Variants in EPHA3 observed in about 807,000 individuals in gnomAD.
The protein encoded by EPHA3 is EPH receptor A3, also known as ephrin type-A receptor 3.
EPHA3 carries 42 observed loss-of-function variants against 107.1 expected under a neutral mutation model. The ratio of observed to expected loss-of-function variants is 0.39; its 90% CI spans 0.31 to 0.51. EPHA3 has a LOEUF of 0.51. Ranked by LOEUF, EPHA3 falls within the 20% of genes least tolerant of loss-of-function variation. The pLI is 0.78. For synonymous variants in EPHA3, 461 were observed against 424.8 expected, an observed-to-expected ratio of 1.09 and a Z score of -1.05; for missense variants, 1,183 against 1,211.2, an observed-to-expected ratio of 0.98 and a Z score of 0.35.
chr3:89,336,040 G>C (rs950289368), intron 3 of EPHA3, among the ~76,000 whole-genome samples: 8 of 152,086 alleles, frequency 5.3e-5, no homozygotes, highest in Admixed American at 2.0e-4. Context: ...TTTGTCTCTG[G>C]ATAAATCTTT....
intron 2 of EPHA3, 100 bp from the exon 3 acceptor site, chr3:89,209,760 A>C (rs1706222751): frequency 2.0e-6 from 2 of 991,522 alleles, no homozygotes; most frequent in Non-Finnish European, 2.9e-6. Flanking sequence ...TTAATGAGTA[A>C]ATGATGATTT....
intron 5 of EPHA3, among the ~76,000 whole-genome samples, chr3:89,367,374 C>G (rs549818007): frequency 1.3e-5 from 2 of 150,620 alleles, no homozygotes; most frequent in South Asian, 4.2e-4. Flanking sequence ...GTGAGCTGGC[C>G]TCCCGTGTAC....
At chr3:89,133,192 A>G (rs1576172458) in intron 2 of EPHA3, among the ~76,000 whole-genome samples, 1 of 152,282 alleles carries the variant, frequency 6.6e-6, no homozygotes, top group Admixed American at 6.5e-5. Flanking sequence ...TAGGAGAAGG[A>G]AAGTTGACAG....
chr3:89,281,064 C>T (rs1705936064), intron 3 of EPHA3, among the ~76,000 whole-genome samples: 1 of 151,448 alleles, frequency 6.6e-6, no homozygotes, highest in African/African-American at 2.4e-5. Context: ...CACTCTGTCA[C>T]CCAGGCTGGA....
At chr3:89,313,140 TAG>T (rs1706806525) in intron 3 of EPHA3, among the ~76,000 whole-genome samples, 1 of 152,000 alleles carries the variant, frequency 6.6e-6, no homozygotes, top group South Asian at 2.1e-4. Context: ...TGTGCAATAA[TAG>T]AGTTATGCCA....
At chr3:89,406,830 T>A (rs1440166307) in intron 7 of EPHA3, among the ~76,000 whole-genome samples, 2 of 152,134 alleles carry the variant, frequency 1.3e-5, no homozygotes, top group Non-Finnish European at 2.9e-5. Flanking sequence ...ATATCACTTT[T>A]CAAATGAATA....
At chr3:89,427,029 G>C (rs555444433) in intron 11 of EPHA3, among the ~76,000 whole-genome samples, 1 of 151,702 alleles carries the variant, frequency 6.6e-6, no homozygotes, top group African/African-American at 2.4e-5. Flanking sequence ...TCAAAGTTTA[G>C]TTGGAATTTT....
intron 1 of EPHA3, among the ~76,000 whole-genome samples, chr3:89,111,673 C>T (rs181291088): frequency 8.9e-4 from 135 of 152,120 alleles, no homozygotes; most frequent in Middle Eastern, 3.4e-3. Context: ...TGAATTGCTA[C>T]GATAATATTT....
chr3:89,159,552 C>A (rs947290490), intron 2 of EPHA3, among the ~76,000 whole-genome samples: 2 of 152,118 alleles, frequency 1.3e-5, no homozygotes, highest in African/African-American at 2.4e-5. Flanking sequence ...ATAATAAATT[C>A]TCCACTGCCT....
intron 13 of EPHA3, among the ~76,000 whole-genome samples, chr3:89,439,597 A>T (rs1709742172): frequency 6.6e-6 from 1 of 152,164 alleles, no homozygotes; most frequent in Non-Finnish European, 1.5e-5. Context: ...TCAGACTTTG[A>T]AATGAATCAC....
rs779646045 is a variant in EPHA3, at chr3:89,399,395, T to C, written c.1509T>C (p.Thr503=). 6.2e-7 allele frequency: 1 copy of C among 1,614,136 alleles called. No homozygotes were observed. Among genetic ancestry groups the C allele is most frequent in the Non-Finnish European group, 8.5e-7 (1 of 1,180,018 alleles). ...NVTISSLKPD[T]IYVFQIRART... is the part of the protein sequence containing the mutation. The stretch of plus-strand genomic sequence containing the variant: ...CCATCAGTAGCCTCAAGCCTGACAC[T>C]ATATACGTATTCCAAATCCGAGCCC... Residue 503 remains threonine (T), a synonymous_variant, in exon 7 of 17, where the codon ACT becomes ACC. Transcript: ENST00000336596.
intron 9 of EPHA3, among the ~76,000 whole-genome samples, chr3:89,409,631 T>C (rs1709120087): frequency 6.6e-6 from 1 of 152,068 alleles, no homozygotes; most frequent in Non-Finnish European, 1.5e-5. Flanking sequence ...GAGAAATGCA[T>C]TTCATCCTGG....
intron 11 of EPHA3, among the ~76,000 whole-genome samples, chr3:89,422,210 C>T (rs1709365155): frequency 6.6e-6 from 1 of 150,736 alleles, no homozygotes; most frequent in South Asian, 2.1e-4. Flanking sequence ...CACACACACA[C>T]ACACACACAC....
intron 5 of EPHA3, among the ~76,000 whole-genome samples, chr3:89,343,423 A>G (rs1398026031): frequency 6.6e-6 from 1 of 152,192 alleles, no homozygotes; most frequent in Non-Finnish European, 1.5e-5. Flanking sequence ...TCTCAAATAC[A>G]CTGAGTAGTC....
rs1710585755 is a variant in EPHA3 at position 89,479,543 on chromosome 3, T to C, written c.*41T>C. ...TGCTTCTGGACGGAAGTGGTGGCTG[T>C]GGAAGGCGTAGCATCATCCTGCAGA... is the stretch of plus-strand genomic sequence containing the variant. On this transcript the variant is annotated 3_prime_UTR_variant, in exon 17 of 17. Transcript: ENST00000336596. 6 of 1,496,872 alleles carry C rather than the reference T, an allele frequency of 4.0e-6. No homozygotes were observed. The East Asian group carries it at 1.4e-4, about 34-fold the overall frequency. The allele number at this position is 1,496,872 out of a possible 1,614,324, so 92.7% of individuals were successfully genotyped here. A position where few individuals can be genotyped will look rare whatever the true frequency, so the allele number is the denominator to read the frequency against.
At chr3:89,293,322 T>C (rs1706262806) in intron 3 of EPHA3, among the ~76,000 whole-genome samples, 1 of 152,188 alleles carries the variant, frequency 6.6e-6, no homozygotes, top group Admixed American at 6.6e-5. Context: ...ATTCTCATAT[T>C]AGAATCTTTT....
chr3:89,313,009 G>C (rs140396970), intron 3 of EPHA3, among the ~76,000 whole-genome samples: 1 of 151,732 alleles, frequency 6.6e-6, no homozygotes, highest in Non-Finnish European at 1.5e-5. Context: ...GGTTGATTCC[G>C]GGTCTTTGCT....
At chr3:89,430,819 G>A (rs1313216241) in intron 12 of EPHA3, among the ~76,000 whole-genome samples, 2 of 152,094 alleles carry the variant, frequency 1.3e-5, no homozygotes, top group Non-Finnish European at 2.9e-5. Flanking sequence ...CTAGCCACAA[G>A]ATTCATTTCA....
rs1392293810 is a variant in EPHA3 at position 89,210,282 on chromosome 3, G to A, written c.576G>A (p.Leu192=). The change falls in exon 3 of 17, where the codon TTG becomes TTA. Residue 192 remains leucine, a synonymous_variant. Transcript: ENST00000336596. ...AAGATGTTGGTGCTTGTGTTGCCTT[G>A]GTGTCTGTGAGAGTATACTTCAAAA... ...AFQDVGACVA[L]VSVRVYFKKC... is the part of the protein sequence containing the mutation. The A allele has an allele frequency of 2.9e-5, 46 of 1,613,736 alleles. No homozygotes were observed. The highest frequency in any genetic ancestry group is 3.8e-5 in the Non-Finnish European group (45 of 1,179,918).
Sources: gnomAD v4.1 joint callset for allele counts (sites outside exome capture counted in the v4.1 genomes callset) on GRCh38, gnomAD v4.1.1 for gene constraint, MANE v1.5 for transcripts, NCBI Gene and HGNC (gene_info 2026-07-23, HGNC 2026-07-21) for gene names.